CALCOCO2: variants seen among roughly 807,000 people sequenced by gnomAD.
CALCOCO2 encodes the protein calcium binding and coiled-coil domain 2.
A neutral mutation model predicts 62.5 loss-of-function variants in CALCOCO2; 42 were observed. The ratio of observed to expected loss-of-function variants is 0.67; its 90% CI spans 0.53 to 0.87. The LOEUF (loss-of-function observed/expected upper bound fraction) is 0.87, where lower values mean the gene tolerates loss of function less well. Ranked by LOEUF, CALCOCO2 falls within the 40% of genes least tolerant of loss-of-function variation. The pLI is 0.00. For missense variants in CALCOCO2, 456 were observed against 515.0 expected (o/e 0.89, Z 1.11); for synonymous variants, 167 against 173.0 (o/e 0.97, Z 0.27).
chr17:48,858,082 T>C (rs1031190201), intron 10 of CALCOCO2, among the ~76,000 whole-genome samples: 6 of 91,338 alleles, frequency 6.6e-5, no homozygotes, highest in African/African-American at 1.9e-4. Context: ...AATTTTACCA[T>C]CTTAATAATG....
chr17:48,843,015 G>T (rs1384175685), intron 2 of CALCOCO2, among the ~76,000 whole-genome samples: 2 of 152,168 alleles, frequency 1.3e-5, no homozygotes, highest in Non-Finnish European at 2.9e-5. Context: ...TTGGTATGAT[G>T]TTTAGTTTGT....
At chr17:48,852,443 G>A in intron 7 of CALCOCO2, 63 bp from the exon 8 acceptor site, 4 of 1,441,770 alleles carry the variant, frequency 2.8e-6, no homozygotes, top group South Asian at 1.2e-5. Context: ...ACGTTAAAAA[G>A]CATTGTTCCT....
chr17:48,844,858 G>C (rs573494934), intron 2 of CALCOCO2, among the ~76,000 whole-genome samples: 20 of 151,894 alleles, frequency 1.3e-4, no homozygotes, highest in African/African-American at 4.8e-4. Context: ...AAAATATTTT[G>C]TCCAGGTGCG....
intron 7 of CALCOCO2, 35 bp from the exon 8 acceptor site, chr17:48,852,471 T>C (rs2040147600): frequency 6.3e-7 from 1 of 1,588,962 alleles, no homozygotes; most frequent in Admixed American, 1.8e-5. Context: ...TTTCCTTCTT[T>C]TATATCTTGG....
Position 48,860,448 on chromosome 17 carries a change from T to G in CALCOCO2, c.1143T>G (p.Ser381=), listed in dbSNP as rs2040311491. ...NPGLAYGNPY[S]GIQESSSPSP... is the part of the protein sequence containing the mutation. ...GACTTGCCTATGGAAACCCATATTCTGGTAAGACAACTTTCCCATTCCAAC... is the reference window on the plus strand; with the variant it reads ...GACTTGCCTATGGAAACCCATATTCGGGTAAGACAACTTTCCCATTCCAAC... The change falls in exon 11 of 13, where the codon TCT becomes TCG. Residue 381 remains serine, a splice_region_variant and synonymous_variant. Transcript: ENST00000258947. 6.2e-7 allele frequency: 1 copy of G among 1,612,810 alleles called. No individual in the cohort carries two copies. Among genetic ancestry groups the G allele is most frequent in the Admixed American group, 1.7e-5 (1 of 59,878 alleles).
intron 9 of CALCOCO2, among the ~76,000 whole-genome samples, chr17:48,854,053 C>T (rs904979679): frequency 3.9e-5 from 6 of 151,946 alleles, no homozygotes; most frequent in Non-Finnish European, 4.4e-5. Flanking sequence ...CGGTGGCTCG[C>T]GCCTGTAATC....
rs528273068 is a variant in CALCOCO2, at chr17:48,845,322, T to G, written c.181-2742T>G. Among the ~76,000 whole-genome samples the G allele has an allele frequency of 8.7e-3, 697 of 80,516 alleles. 5 individuals are homozygous for G. The highest frequency in any genetic ancestry group is 0.039 in the African/African-American group (641 of 16,306). The allele number at this position is 80,516 out of a possible 152,430, so 52.8% of individuals were successfully genotyped here. A position where few individuals can be genotyped will look rare whatever the true frequency, so the allele number is the denominator to read the frequency against. ...CACTATGCTAGGCCTATGTTGAGGG[T>G]GTGTGTGTGTGTGTGTGTGTGTGTG... On this transcript the variant is annotated intron_variant, in intron 2 of 12. Transcript: ENST00000258947.
chr17:48,857,461 T>G, intron 10 of CALCOCO2, among the ~76,000 whole-genome samples: 1 of 138,296 alleles, frequency 7.2e-6, no homozygotes, highest in East Asian at 2.4e-4. Flanking sequence ...CCTCCCAAAG[T>G]GCTGGGATTA....
Position 48,848,244 on chromosome 17 carries a change from G to T in CALCOCO2, c.283+78G>T, listed in dbSNP as rs756869305. 656 of 1,536,144 alleles carry T rather than the reference G, an allele frequency of 4.3e-4. 1 individual carries two copies. The highest frequency in any genetic ancestry group is 1.5e-3 in the Middle Eastern group (9 of 5,956). On this transcript the variant is annotated intron_variant, in intron 3 of 12. Transcript: ENST00000258947. ...ATTCCCTTCAGCTTGAGCTTTCTGG[G>T]GCAGATAAAAAGATTTCCAGAATTT...
chr17:48,842,154 CTT>C (rs200836727), intron 2 of CALCOCO2: 19 of 136,638 alleles, frequency 1.4e-4, no homozygotes, highest in South Asian at 2.0e-4. Context: ...TTTTTCTTTT[CTT>C]TTTTTTTTTT....
In CALCOCO2 at chr17:48,860,394, A is replaced by C; in HGVS notation, c.1089A>C (p.Ser363=). 6.2e-7 allele frequency: 1 copy of C among 1,613,902 alleles called. No homozygotes were observed. ...FNSLPYQVPT[S]DEGGARQNPG... is the part of the protein sequence containing the mutation. The stretch of plus-strand genomic sequence containing the variant: ...CTTTGCCGTATCAAGTACCTACTTC[A>C]GATGAAGGAGGCGCAAGACAAAATC... Residue 363 remains serine, a synonymous_variant, in exon 11 of 13, where the codon TCA becomes TCC. Transcript: ENST00000258947.
intron 7 of CALCOCO2, 125 bp downstream of exon 7, chr17:48,851,753 A>T: frequency 2.9e-6 from 2 of 682,110 alleles, no homozygotes; most frequent in Admixed American, 4.3e-5. Flanking sequence ...AAAGTATCAC[A>T]CTAAAGTTTC....
intron 9 of CALCOCO2, 194 bp from the exon 10 acceptor site, chr17:48,855,898 C>A: frequency 3.0e-6 from 1 of 333,582 alleles, no homozygotes. Flanking sequence ...ATCTTGATGC[C>A]AGCTCAGGCC....
In CALCOCO2 at chr17:48,848,825, T is replaced by C. The variant is rs1417920126; in HGVS notation, c.417+370T>C. 3 of 486,192 alleles carry C rather than the reference T, an allele frequency of 6.2e-6. No individual in the cohort carries two copies. The Admixed American group carries it at 6.9e-5, about 11-fold the overall frequency. The allele number at this position is 486,192 out of a possible 1,614,324, so 30.1% of individuals were successfully genotyped here. A position where few individuals can be genotyped will look rare whatever the true frequency, so the allele number is the denominator to read the frequency against. ...GTTCTGGCCTACAGCCTGTCTGTCA[T>C]ACGTGAGTATTAGATTCATTTTCTT... On this transcript the variant is annotated intron_variant, in intron 4 of 12. Coordinates refer to ENST00000258947, the MANE Select transcript of CALCOCO2 (RefSeq NM_005831.5).
chr17:48,858,023 A>G (rs1361884860), intron 10 of CALCOCO2, among the ~76,000 whole-genome samples: 7 of 13,476 alleles, frequency 5.2e-4, no homozygotes, highest in Non-Finnish European at 1.8e-3. Context: ...AGAATAGAAT[A>G]GAATAGAATA....
At position 48,860,414 on chromosome 17, in the gene CALCOCO2, A is replaced by G. The variant is rs1436505125; in HGVS notation, c.1109A>G (p.Gln370Arg). Residue 370 changes from glutamine (Q) to arginine (R), a missense_variant, in exon 11 of 13, where the codon CAA becomes CGA. Physicochemically the swap from Gln to Arg is conservative, Grantham distance 43 (BLOSUM62 1). Coordinates refer to ENST00000258947, the MANE Select transcript of CALCOCO2 (RefSeq NM_005831.5). ...VPTSDEGGARQNPGLAYGNPY... is the reference protein window; with the variant it reads ...VPTSDEGGARRNPGLAYGNPY... Reference sequence around the variant, plus strand: ...ACTTCAGATGAAGGAGGCGCAAGACAAAATCCAGGACTTGCCTATGGAAAC... The same window carrying G: ...ACTTCAGATGAAGGAGGCGCAAGACGAAATCCAGGACTTGCCTATGGAAAC... The G allele has an allele frequency of 3.1e-6, 5 of 1,613,946 alleles. No homozygotes were observed. Among genetic ancestry groups the G allele is most frequent in the Non-Finnish European group, 4.2e-6 (5 of 1,179,940 alleles).
At chr17:48,854,802 A>C (rs2040189368) in intron 9 of CALCOCO2, among the ~76,000 whole-genome samples, 1 of 152,088 alleles carries the variant, frequency 6.6e-6, no homozygotes, top group Non-Finnish European at 1.5e-5. Context: ...AAAGGCCGCT[A>C]AATATGAGTA....
intron 9 of CALCOCO2, chr17:48,855,863 CAAAAAA>C (rs11463396): frequency 6.0e-5 from 10 of 167,702 alleles, no homozygotes; most frequent in African/African-American, 8.4e-5. Context: ...TCAGCTAAAC[CAAAAAA>C]AAAAAAAAAA....
intron 1 of CALCOCO2, among the ~76,000 whole-genome samples, chr17:48,837,490 CA>C (rs1567749111): frequency 6.6e-6 from 1 of 151,900 alleles, no homozygotes; most frequent in Non-Finnish European, 1.5e-5. Flanking sequence ...ACTAAAAATA[CA>C]AAAAATTAGC....
Sources: gnomAD v4.1 joint callset for allele counts (sites outside exome capture counted in the v4.1 genomes callset) on GRCh38, gnomAD v4.1.1 for gene constraint, MANE v1.5 for transcripts, NCBI Gene and HGNC (gene_info 2026-07-23, HGNC 2026-07-21) for gene names.